The following NXPE2 variants were observed in gnomAD, a reference collection of about 807,000 sequenced individuals.
NXPE2 encodes NXPE family member 2.
NXPE2 carries 34 observed loss-of-function variants against 34.4 expected under a neutral mutation model. That is an observed-to-expected ratio of 0.99 (90% CI 0.75 to 1.31). NXPE2 has a LOEUF of 1.31. NXPE2 is among the 40% of genes most tolerant of loss of function. The pLI, the probability that NXPE2 is intolerant of heterozygous loss-of-function variation, is 0.00. For missense variants in NXPE2, 649 were observed against 672.5 expected (o/e 0.97, Z 0.39); for synonymous variants, 235 against 231.3 (o/e 1.02, Z -0.15).
At chr11:114,639,229 C>T in the NXPE2 span, among the ~76,000 whole-genome samples, 160 of 151,926 alleles carry the variant, frequency 1.1e-3, 1 homozygote, top group Admixed American at 1.4e-3. Flanking sequence ...GACTGCTGTG[C>T]GAGCAATCAG....
At chr11:114,626,166 A>G in the NXPE2 span, among the ~76,000 whole-genome samples, 1 of 152,138 alleles carries the variant, frequency 6.6e-6, no homozygotes, top group African/African-American at 2.4e-5. Context: ...AACTGGGTGG[A>G]GCCCACCACA....
chr11:114,497,487 G>A, the NXPE2 span, among the ~76,000 whole-genome samples: 1 of 151,188 alleles, frequency 6.6e-6, no homozygotes, highest in Non-Finnish European at 1.5e-5. Context: ...TATTTTAACC[G>A]TACTTTTTCT....
At chr11:114,807,766 A>C in the NXPE2 span, among the ~76,000 whole-genome samples, 981 of 152,072 alleles carry the variant, frequency 6.5e-3, 8 homozygotes, top group African/African-American at 0.023. Flanking sequence ...CCCCACTGTC[A>C]ACATTAGACA....
chr11:114,731,874 T>A, the NXPE2 span, among the ~76,000 whole-genome samples: 6 of 152,198 alleles, frequency 3.9e-5, no homozygotes, highest in African/African-American at 1.4e-4. Context: ...TATGTTACCA[T>A]TGGGGGAAAC....
Position 114,698,101 on chromosome 11 carries a change from A to C in NXPE2, c.189A>C (p.Lys63Asn). 1 of 1,608,258 alleles carries C rather than the reference A, an allele frequency of 6.2e-7. No individual in the cohort carries two copies. The highest frequency in any genetic ancestry group is 8.5e-7 in the Non-Finnish European group (1 of 1,176,788). ...TGAACCAAGGGAACATCTTCAAAAA[A>C]TATTCACACTCTGAAACACCACTGT... is the stretch of plus-strand genomic sequence containing the variant. ...IILNQGNIFK[K>N]YSHSETPLCP... Residue 63 changes from lysine (K) to asparagine (N), a missense_variant, in exon 3 of 6, where the codon AAA becomes AAC. Coordinates refer to ENST00000389586, the MANE Select transcript of NXPE2 (RefSeq NM_182495.6).
At chr11:114,738,919 G>A in the NXPE2 span, among the ~76,000 whole-genome samples, 1 of 151,914 alleles carries the variant, frequency 6.6e-6, no homozygotes, top group Admixed American at 6.6e-5. Flanking sequence ...CATTCAAGTT[G>A]TGCTTTACTA....
chr11:114,692,165 A>C (rs550959562), intron 2 of NXPE2, among the ~76,000 whole-genome samples: 5 of 152,348 alleles, frequency 3.3e-5, no homozygotes, highest in Admixed American at 2.0e-4. Context: ...TGTGGTCACC[A>C]CTGCCAAGTG....
At chr11:114,514,851 C>T in the NXPE2 span, among the ~76,000 whole-genome samples, 1 of 151,764 alleles carries the variant, frequency 6.6e-6, no homozygotes, top group African/African-American at 2.4e-5. Flanking sequence ...GTATTTTTTG[C>T]TTATTTATCT....
chr11:114,607,986 G>A, the NXPE2 span, among the ~76,000 whole-genome samples: 14 of 148,180 alleles, frequency 9.4e-5, no homozygotes, highest in Non-Finnish European at 1.8e-4. Flanking sequence ...GTGAGTCACC[G>A]CTGCTACCTG....
At chr11:114,542,786 A>G in the NXPE2 span, among the ~76,000 whole-genome samples, 43 of 152,344 alleles carry the variant, frequency 2.8e-4, no homozygotes, top group Non-Finnish European at 4.4e-4. Context: ...TAAAATAAAC[A>G]TAATCATTAG....
the NXPE2 span, among the ~76,000 whole-genome samples, chr11:114,566,625 T>C: frequency 3.3e-5 from 5 of 152,098 alleles, no homozygotes; most frequent in Admixed American, 2.0e-4. Context: ...CTATATGTTT[T>C]CAAGAAGGTT....
At chr11:114,695,185 T>C (rs1395827061) in intron 2 of NXPE2, among the ~76,000 whole-genome samples, 1 of 152,202 alleles carries the variant, frequency 6.6e-6, no homozygotes, top group Non-Finnish European at 1.5e-5. Context: ...GACTTCATCC[T>C]TGGGTGTTTC....
At chr11:114,758,291 C>T in the NXPE2 span, among the ~76,000 whole-genome samples, 1 of 152,234 alleles carries the variant, frequency 6.6e-6, no homozygotes, top group Non-Finnish European at 1.5e-5. Context: ...AGTGGAATGA[C>T]CCTTTTGGAA....
upstream of NXPE2, among the ~76,000 whole-genome samples, chr11:114,674,158 G>A (rs964817105): frequency 1.3e-5 from 2 of 151,680 alleles, no homozygotes; most frequent in South Asian, 2.1e-4. Context: ...GAATTAAAAT[G>A]CCTTAGTAGT....
At chr11:114,581,824 C>G in the NXPE2 span, 1 of 1,446,488 alleles carries the variant, frequency 6.9e-7, no homozygotes, top group Non-Finnish European at 9.6e-7. Context: ...CTGTAGGTGG[C>G]CTCAAATCAG....
the NXPE2 span, among the ~76,000 whole-genome samples, chr11:114,497,238 G>C: frequency 6.6e-6 from 1 of 151,940 alleles, no homozygotes; most frequent in Admixed American, 6.6e-5. Context: ...TTAATTTTTA[G>C]CAAAATTTAA....
chr11:114,553,307 C>T, the NXPE2 span, among the ~76,000 whole-genome samples: 32 of 152,298 alleles, frequency 2.1e-4, no homozygotes, highest in Non-Finnish European at 4.0e-4. Flanking sequence ...GAGAGTCCCT[C>T]ATTCGAGAGG....
chr11:114,534,989 CA>C, the NXPE2 span, among the ~76,000 whole-genome samples: 1 of 152,058 alleles, frequency 6.6e-6, no homozygotes, highest in Non-Finnish European at 1.5e-5. Flanking sequence ...TCAAATTCAC[CA>C]AAGTTTAAAT....
intron 3 of NXPE2, among the ~76,000 whole-genome samples, chr11:114,700,554 A>T (rs1951347039): frequency 6.6e-6 from 1 of 152,106 alleles, no homozygotes; most frequent in Admixed American, 6.5e-5. Context: ...TGAGATAGGG[A>T]GGCAGGGCCT....
Sources: allele counts gnomAD v4.1 joint callset (sites outside exome capture counted in the v4.1 genomes callset), GRCh38; gene constraint gnomAD v4.1.1; transcripts MANE v1.5; gene names NCBI Gene and HGNC (gene_info 2026-07-23, HGNC 2026-07-21).